The following DISP1 variants were observed in gnomAD, a reference collection of about 807,000 sequenced individuals.
DISP1 encodes protein dispatched homolog 1.
DISP1 carries 30 observed loss-of-function variants against 37.3 expected under a neutral mutation model. The observed-to-expected ratio is 0.80, with a 90% confidence interval of 0.60 to 1.09. The LOEUF (loss-of-function observed/expected upper bound fraction) is 1.09, where lower values mean the gene tolerates loss of function less well. Among genes scored for constraint, DISP1 ranks in the 50% least tolerant of loss-of-function variants. The probability of loss-of-function intolerance (pLI) is 0.00; values close to 1 mark genes in which losing one functional copy is unlikely to be tolerated. For synonymous variants in DISP1, 634 were observed against 690.2 expected (o/e 0.92, Z 1.28); for missense variants, 1,598 against 1,879.5 (o/e 0.85, Z 2.77).
intron 1 of DISP1, among the ~76,000 whole-genome samples, chr1:222,848,983 C>T (rs1211970044): frequency 6.6e-6 from 1 of 152,054 alleles, no homozygotes; most frequent in African/African-American, 2.4e-5. Flanking sequence ...ACAAAGAAGG[C>T]AAAAAGTCAC....
At chr1:222,903,387 A>G (rs1671718966) in intron 1 of DISP1, among the ~76,000 whole-genome samples, 2 of 151,874 alleles carry the variant, frequency 1.3e-5, no homozygotes, top group South Asian at 4.2e-4. Flanking sequence ...AACGTGGCAT[A>G]TGTATACATA....
At chr1:222,966,401 TAAG>T (rs1249445165) in intron 3 of DISP1, among the ~76,000 whole-genome samples, 1 of 152,200 alleles carries the variant, frequency 6.6e-6, no homozygotes, top group African/African-American at 2.4e-5. Context: ...CTATACCTCA[TAAG>T]TCATTGGAAA....
chr1:222,880,756 G>A (rs1035267801), intron 1 of DISP1, among the ~76,000 whole-genome samples: 1 of 152,142 alleles, frequency 6.6e-6, no homozygotes, highest in African/African-American at 2.4e-5. Flanking sequence ...TTGGTGGTTA[G>A]TCATCTTAAA....
In DISP1 at chr1:222,943,029, T is replaced by G; in HGVS notation, c.206T>G (p.Leu69Ter). The change falls in exon 3 of 9, where the codon TTA becomes TGA. Residue 69 changes from leucine (L) to a stop codon, truncating the protein, a stop_gained. Transcript: ENST00000675850. LOFTEE classifies it high-confidence loss of function. ...NGTVKSSFLP[L>*]DNQRMPQMLP... ...ACGGTCAAATCATCCTTTCTGCCTT[T>G]AGACAACCAAAGAATGCCTCAGATG... is the stretch of plus-strand genomic sequence containing the variant. The G allele has an allele frequency of 6.2e-7, 1 of 1,614,198 alleles. No individual in the cohort carries two copies. Among genetic ancestry groups the G allele is most frequent in the South Asian group, 1.1e-5 (1 of 91,080 alleles).
intron 3 of DISP1, among the ~76,000 whole-genome samples, chr1:222,961,570 C>T (rs904420604): frequency 3.9e-5 from 6 of 152,136 alleles, no homozygotes; most frequent in Middle Eastern, 3.2e-3. Context: ...GACAAGGATG[C>T]GCTCTCTCGC....
intron 1 of DISP1, among the ~76,000 whole-genome samples, chr1:222,899,035 G>C (rs997712647): frequency 2.0e-5 from 3 of 151,984 alleles, no homozygotes; most frequent in African/African-American, 7.2e-5. Context: ...CTTTTAAGCA[G>C]CTTCTATTTG....
At chr1:222,941,880 G>A (rs1033090311) in intron 2 of DISP1, among the ~76,000 whole-genome samples, 2 of 149,716 alleles carry the variant, frequency 1.3e-5, no homozygotes, top group Non-Finnish European at 3.0e-5. Context: ...TGGCTTTTAT[G>A]TATATGTTGA....
intron 3 of DISP1, among the ~76,000 whole-genome samples, chr1:222,948,545 A>G (rs1572594623): frequency 6.6e-6 from 1 of 152,192 alleles, no homozygotes; most frequent in African/African-American, 2.4e-5. Flanking sequence ...TCTTTCAGGA[A>G]CTTACTGTAA....
intron 3 of DISP1, among the ~76,000 whole-genome samples, chr1:222,961,641 T>G (rs371702757): frequency 2.0e-5 from 3 of 152,086 alleles, no homozygotes; most frequent in African/African-American, 7.2e-5. Context: ...GAGAAAGAAA[T>G]AAAGCGTATT....
At chr1:222,956,605 C>T (rs1675614869) in intron 3 of DISP1, among the ~76,000 whole-genome samples, 1 of 151,954 alleles carries the variant, frequency 6.6e-6, no homozygotes, top group African/African-American at 2.4e-5. Context: ...TAGGGTGAAA[C>T]TCTACACTGG....
chr1:222,984,087 A>T (rs76159559), intron 4 of DISP1, among the ~76,000 whole-genome samples: 10,553 of 152,008 alleles, frequency 0.069, 540 homozygotes, highest in African/African-American at 0.14. Flanking sequence ...TTTAAAAAAA[A>T]ATATATTTTT....
chr1:222,840,021 A>G (rs541465203), intron 1 of DISP1, among the ~76,000 whole-genome samples: 1 of 152,290 alleles, frequency 6.6e-6, no homozygotes, highest in African/African-American at 2.4e-5. Context: ...ATTAGCCTAC[A>G]ATTAGGCAAA....
chr1:222,994,792 TC>T, intron 7 of DISP1, 92 bp from the exon 8 acceptor site: 4 of 908,098 alleles, frequency 4.4e-6, no homozygotes, highest in Non-Finnish European at 7.1e-6. Flanking sequence ...CCATGTGGTT[TC>T]CCAGTTTGAA....
intron 1 of DISP1, among the ~76,000 whole-genome samples, chr1:222,820,696 G>GTTTCTTTATGCT (rs1322718598): frequency 6.6e-6 from 1 of 152,186 alleles, no homozygotes; most frequent in Non-Finnish European, 1.5e-5. Flanking sequence ...CCTTAGGCAA[G>GTTTCTTTATGCT]TTACTGAACT....
intron 3 of DISP1, among the ~76,000 whole-genome samples, chr1:222,974,537 A>T (rs144850858): frequency 4.6e-5 from 7 of 152,274 alleles, no homozygotes; most frequent in Admixed American, 4.6e-4. Flanking sequence ...CCTTTCTCTC[A>T]TGCTTCCTAG....
At chr1:222,936,859 A>AATTTATATATCATATATATGATATATT (rs1673880904) in intron 2 of DISP1, among the ~76,000 whole-genome samples, 1 of 59,314 alleles carries the variant, frequency 1.7e-5, no homozygotes, top group African/African-American at 6.8e-5. Context: ...TATGATATAT[A>AATTTATATATCATATATATGATATATT]ATTTATATAT....
intron 1 of DISP1, among the ~76,000 whole-genome samples, chr1:222,909,140 A>G (rs896183659): frequency 3.3e-5 from 5 of 152,150 alleles, no homozygotes; most frequent in Non-Finnish European, 4.4e-5. Flanking sequence ...ATCGAATTAT[A>G]TCTTGAATTG....
chr1:222,913,940 A>T (rs1572496530), intron 1 of DISP1, among the ~76,000 whole-genome samples: 1 of 72,694 alleles, frequency 1.4e-5, no homozygotes, highest in African/African-American at 4.7e-5. Flanking sequence ...CATTCTAAAT[A>T]AAAAAAAAAA....
At chr1:222,963,364 C>T (rs568930876) in intron 3 of DISP1, among the ~76,000 whole-genome samples, 48 of 152,236 alleles carry the variant, frequency 3.2e-4, no homozygotes, top group Non-Finnish European at 4.6e-4. Flanking sequence ...GACGGTATGG[C>T]GATTCCTCAA....
Sources: allele counts gnomAD v4.1 joint callset (sites outside exome capture counted in the v4.1 genomes callset), GRCh38; gene constraint gnomAD v4.1.1; transcripts MANE v1.5; gene names NCBI Gene and HGNC (gene_info 2026-07-23, HGNC 2026-07-21).